PLXNA4: variants seen among roughly 807,000 people sequenced by gnomAD.
The protein encoded by PLXNA4 is plexin-A4.
In PLXNA4, 44 loss-of-function variants were observed where a neutral mutation model predicts 191.8. The observed-to-expected ratio is 0.23, with a 90% CI of 0.18 to 0.29. The LOEUF is 0.29. Ranked by LOEUF, PLXNA4 falls within the 10% of genes least tolerant of loss-of-function variation. The probability of loss-of-function intolerance (pLI) is 1.00; values close to 1 mark genes in which losing one functional copy is unlikely to be tolerated. For synonymous variants in PLXNA4, 1,082 were observed against 1,009.5 expected (o/e 1.07, Z -1.36); for missense variants, 1,800 against 2,488.8 (o/e 0.72, Z 5.89).
chr7:132,486,435 C>G lies in PLXNA4; in HGVS notation c.1371+2857G>C, dbSNP rs118187303. ...TTTTTATTATTTCAAACAACAGACT[C>G]GGCAGCCCAGCCTTCCTTTCCCAAC... is the stretch of plus-strand genomic sequence containing the variant. On this transcript the variant is annotated intron_variant, in intron 3 of 31. Coordinates refer to ENST00000321063, the MANE Select transcript of PLXNA4 (RefSeq NM_020911.2). 8.8e-3 allele frequency among the ~76,000 whole-genome samples: 1,335 copies of G among 152,344 alleles called. 11 individuals are homozygous for G. The highest frequency in any genetic ancestry group is 0.024 in the Middle Eastern group (7 of 294).
chr7:132,612,034 T>G (rs941466106), intron 2 of PLXNA4, among the ~76,000 whole-genome samples: 1 of 152,122 alleles, frequency 6.6e-6, no homozygotes, highest in African/African-American at 2.4e-5. Context: ...GATTGCTGTT[T>G]TGAGCTCCTG....
chr7:132,393,431 C>G (rs1793604216), intron 3 of PLXNA4, among the ~76,000 whole-genome samples: 1 of 152,108 alleles, frequency 6.6e-6, no homozygotes, highest in Non-Finnish European at 1.5e-5. Context: ...ACTAAGGAGT[C>G]AAGAGCAAAC....
intron 3 of PLXNA4, among the ~76,000 whole-genome samples, chr7:132,447,244 C>T (rs1429695688): frequency 2.0e-5 from 3 of 152,196 alleles, no homozygotes; most frequent in Non-Finnish European, 4.4e-5. Context: ...TCCCCTACTT[C>T]CTGCTCTCAG....
rs781024755 is a variant in PLXNA4 at position 132,168,590 on chromosome 7, A to G, written c.4018-18T>C. ...CCCGGGACCTGCAGAGAGACCTAGG[A>G]GTCGTGATGCCATTGGCAGGTTGGG... On this transcript the variant is annotated intron_variant, in intron 21 of 31. Transcript: ENST00000321063. The G allele has an allele frequency of 6.5e-7, 1 of 1,550,186 alleles. No individual in the cohort carries two copies. The highest frequency in any genetic ancestry group is 8.7e-7 in the Non-Finnish European group (1 of 1,145,424).
At chr7:132,356,369 A>G (rs1214038652) in intron 3 of PLXNA4, among the ~76,000 whole-genome samples, 1 of 152,240 alleles carries the variant, frequency 6.6e-6, no homozygotes, top group Non-Finnish European at 1.5e-5. Flanking sequence ...CACAGTAAAC[A>G]TTGCTGAGCC....
At chr7:132,429,214 A>C (rs1795171807) in intron 3 of PLXNA4, among the ~76,000 whole-genome samples, 1 of 152,212 alleles carries the variant, frequency 6.6e-6, no homozygotes, top group Admixed American at 6.5e-5. Context: ...TCAGGACTCC[A>C]AGCCCCAGGC....
At position 132,444,930 on chromosome 7, in the gene PLXNA4, G is replaced by A. The variant is rs143938393; in HGVS notation, c.1371+44362C>T. 1.1e-4 allele frequency among the ~76,000 whole-genome samples: 16 copies of A among 151,876 alleles called. No individual in the cohort carries two copies. The East Asian group carries it at 2.3e-3, about 22-fold the overall frequency. On this transcript the variant is annotated intron_variant, in intron 3 of 31. Coordinates refer to ENST00000321063, the MANE Select transcript of PLXNA4 (RefSeq NM_020911.2). Reference sequence around the variant, plus strand: ...TGTAATCCCAACACTTTGGGAGGCCGAGGCGGGCGGATCATGAGGTCAGGA... The same window carrying A: ...TGTAATCCCAACACTTTGGGAGGCCAAGGCGGGCGGATCATGAGGTCAGGA...
chr7:132,565,871 G>A (rs551687843), intron 1 of PLXNA4, among the ~76,000 whole-genome samples: 8 of 152,296 alleles, frequency 5.3e-5, no homozygotes, highest in Admixed American at 2.0e-4. Flanking sequence ...CTTTCAAAGG[G>A]TGGCTGCCAC....
chr7:132,637,781 A>C (rs965197411), intron 2 of PLXNA4, among the ~76,000 whole-genome samples: 6 of 152,156 alleles, frequency 3.9e-5, no homozygotes, highest in Non-Finnish European at 8.8e-5. Context: ...CTCATCTCCC[A>C]TGCCTTTGCC....
At chr7:132,412,108 T>C (rs1216323792) in intron 3 of PLXNA4, among the ~76,000 whole-genome samples, 1 of 152,208 alleles carries the variant, frequency 6.6e-6, no homozygotes, top group Non-Finnish European at 1.5e-5. Context: ...GCTCCTCACA[T>C]TCTTTAGGTC....
At chr7:132,140,966 G>A (rs990354740) in intron 29 of PLXNA4, among the ~76,000 whole-genome samples, 155 bp from the exon 30 acceptor site, 1 of 152,106 alleles carries the variant, frequency 6.6e-6, no homozygotes, top group Non-Finnish European at 1.5e-5. Context: ...AGGGAAGGGA[G>A]GTGAGGCAGG....
intron 3 of PLXNA4, among the ~76,000 whole-genome samples, chr7:132,482,217 T>C (rs535152800): frequency 5.5e-4 from 83 of 152,248 alleles, no homozygotes; most frequent in Non-Finnish European, 1.1e-3. Context: ...TAAGACATAA[T>C]ACAGCAAAGG....
intron 25 of PLXNA4, among the ~76,000 whole-genome samples, chr7:132,155,164 T>C (rs1405906496): frequency 6.6e-6 from 1 of 152,140 alleles, no homozygotes; most frequent in Non-Finnish European, 1.5e-5. Flanking sequence ...GCATTTGCAT[T>C]AAACTACAGG....
intron 14 of PLXNA4, among the ~76,000 whole-genome samples, chr7:132,193,165 C>A (rs1472837679): frequency 6.6e-6 from 1 of 152,140 alleles, no homozygotes; most frequent in Non-Finnish European, 1.5e-5. Flanking sequence ...AAGGGCTCTG[C>A]CCTCATGAAT....
In PLXNA4 at chr7:132,605,857, A is replaced by G. The variant is rs565507926; in HGVS notation, c.-87+40071T>C. 4.6e-5 allele frequency among the ~76,000 whole-genome samples: 7 copies of G among 152,284 alleles called. No homozygotes were observed. In the South Asian group the frequency reaches 1.5e-3, roughly 32 times the overall value. On this transcript the variant is annotated intron_variant, in intron 2 of 4. Transcript: ENST00000378539. ...AAGAACATCATGTGAAAATAGAGGC[A>G]GAGACTGGAGCCATGCAGATGCAGG... is the stretch of plus-strand genomic sequence containing the variant.
Position 132,319,412 on chromosome 7 carries a change from T to C in PLXNA4, c.1372-21190A>G, listed in dbSNP as rs151218373. On this transcript the variant is annotated intron_variant, in intron 3 of 31. Transcript: ENST00000321063. ...AGGTGCTGTGATGAGGGCTTCATCCTAGATCTGTTCTCAGGGTTCCTTGTA... is the reference window on the plus strand; with the variant it reads ...AGGTGCTGTGATGAGGGCTTCATCCCAGATCTGTTCTCAGGGTTCCTTGTA... Among the ~76,000 whole-genome samples the C allele has an allele frequency of 7.3e-3, 1,106 of 152,030 alleles. 16 individuals are homozygous for C. The highest frequency in any genetic ancestry group is 0.025 in the African/African-American group (1,021 of 41,290).
chr7:132,144,853 T>TAAA (rs1227647634), intron 29 of PLXNA4, among the ~76,000 whole-genome samples: 2 of 152,296 alleles, frequency 1.3e-5, no homozygotes, highest in East Asian at 3.9e-4. Context: ...TTCAGCTGGT[T>TAAA]CAATAAATGT....
At chr7:132,627,112 T>C (rs1414103377) in intron 2 of PLXNA4, among the ~76,000 whole-genome samples, 2 of 152,246 alleles carry the variant, frequency 1.3e-5, no homozygotes, top group Non-Finnish European at 2.9e-5. Flanking sequence ...TTTAGTTTTA[T>C]TGAAGTACTA....
intron 2 of PLXNA4, among the ~76,000 whole-genome samples, chr7:132,505,244 C>A (rs1351103124): frequency 1.3e-5 from 2 of 152,192 alleles, no homozygotes; most frequent in African/African-American, 4.8e-5. Flanking sequence ...TCTATTCTCT[C>A]CAAGGCTACC....
Sources: gnomAD v4.1 joint callset for allele counts (sites outside exome capture counted in the v4.1 genomes callset) on GRCh38, gnomAD v4.1.1 for gene constraint, MANE v1.5 for transcripts, NCBI Gene and HGNC (gene_info 2026-07-23, HGNC 2026-07-21) for gene names.